AGBL4: variants seen among roughly 807,000 people sequenced by gnomAD.
AGBL4 encodes the protein cytosolic carboxypeptidase 6.
In AGBL4, 58 loss-of-function variants were observed where a neutral mutation model predicts 66.4. That is an observed-to-expected ratio of 0.87 (90% CI 0.71 to 1.09). The LOEUF (loss-of-function observed/expected upper bound fraction) is 1.09. Among genes scored for constraint, AGBL4 ranks in the 50% least tolerant of loss-of-function variants. AGBL4 has a pLI of 0.00. For synonymous variants in AGBL4, 234 were observed against 222.9 expected (o/e 1.05, Z -0.44); for missense variants, 579 against 631.0 (o/e 0.92, Z 0.88).
intron 3 of AGBL4, among the ~76,000 whole-genome samples, chr1:49,400,298 T>C (rs1645057510): frequency 6.6e-6 from 1 of 152,200 alleles, no homozygotes; most frequent in Non-Finnish European, 1.5e-5. Context: ...TGTAGCATAA[T>C]CTGAAGTCAG....
At chr1:48,631,829 A>G (rs1224309879) in intron 9 of AGBL4, among the ~76,000 whole-genome samples, 3 of 152,210 alleles carry the variant, frequency 2.0e-5, no homozygotes, top group Non-Finnish European at 4.4e-5. Flanking sequence ...AGTTAGTTCT[A>G]AACAGTTAGT....
chr1:49,057,093 C>T (rs1312455796), intron 4 of AGBL4, among the ~76,000 whole-genome samples: 4 of 152,152 alleles, frequency 2.6e-5, no homozygotes, highest in African/African-American at 9.7e-5. Context: ...GTTCCCTTCT[C>T]TGCATAGCCT....
intron 5 of AGBL4, among the ~76,000 whole-genome samples, chr1:48,900,952 A>G (rs2148868652): frequency 6.6e-6 from 1 of 152,312 alleles, no homozygotes; most frequent in African/African-American, 2.4e-5. Flanking sequence ...AGGAGAAAAT[A>G]TTTGCAAATA....
At chr1:49,384,475 C>T (rs1644693611) in intron 3 of AGBL4, among the ~76,000 whole-genome samples, 2 of 151,754 alleles carry the variant, frequency 1.3e-5, no homozygotes, top group South Asian at 2.1e-4. Flanking sequence ...CACCTGTAGG[C>T]CCAGCTACTT....
intron 6 of AGBL4, among the ~76,000 whole-genome samples, chr1:48,790,812 C>T (rs981196720): frequency 6.6e-6 from 1 of 152,070 alleles, no homozygotes; most frequent in Non-Finnish European, 1.5e-5. Flanking sequence ...TTGAGCTGGG[C>T]GCAGTGGCAC....
chr1:49,078,026 C>T (rs1473369053), intron 4 of AGBL4, among the ~76,000 whole-genome samples: 1 of 152,048 alleles, frequency 6.6e-6, no homozygotes, highest in Admixed American at 6.6e-5. Context: ...AAACAACTTC[C>T]CTAAGGTCCA....
chr1:49,450,609 A>G (rs1235635235), intron 3 of AGBL4, among the ~76,000 whole-genome samples: 1 of 152,148 alleles, frequency 6.6e-6, no homozygotes, highest in Non-Finnish European at 1.5e-5. Context: ...AATGAACAAC[A>G]TCTTCAAATT....
At chr1:49,061,919 T>A (rs2147912734) in intron 4 of AGBL4, among the ~76,000 whole-genome samples, 1 of 151,874 alleles carries the variant, frequency 6.6e-6, no homozygotes, top group East Asian at 1.9e-4. Context: ...AGAGCAGGGG[T>A]CCCCAACCCC....
Position 48,549,799 on chromosome 1 carries a change from G to T in AGBL4, c.1268-10061C>A, listed in dbSNP as rs377590112. Among the ~76,000 whole-genome samples, 4 of 151,976 alleles carry T rather than the reference G, an allele frequency of 2.6e-5. No individual in the cohort carries two copies. In the East Asian group the frequency reaches 7.8e-4, roughly 30 times the overall value. On this transcript the variant is annotated intron_variant, in intron 11 of 13. Transcript: ENST00000371839. Reference sequence around the variant, plus strand: ...GAGGTGTGAGAGAGATATAAATGTAGGCAACAGGAGAAGGGAGGGAGAGAG... The same window carrying T: ...GAGGTGTGAGAGAGATATAAATGTATGCAACAGGAGAAGGGAGGGAGAGAG...
chr1:49,749,345 G>C (rs1651263418), intron 2 of AGBL4, among the ~76,000 whole-genome samples: 1 of 152,106 alleles, frequency 6.6e-6, no homozygotes, highest in Non-Finnish European at 1.5e-5. Flanking sequence ...TGAGGCCTCT[G>C]TTCTGTCCCA....
chr1:48,945,620 C>T (rs879905375), intron 5 of AGBL4, among the ~76,000 whole-genome samples: 7 of 152,176 alleles, frequency 4.6e-5, no homozygotes, highest in Admixed American at 4.6e-4. Context: ...TTGCCCTGTT[C>T]TGGTACCTGG....
At chr1:48,872,476 A>G (rs942081798) in intron 5 of AGBL4, among the ~76,000 whole-genome samples, 1 of 152,154 alleles carries the variant, frequency 6.6e-6, no homozygotes, top group African/African-American at 2.4e-5. Flanking sequence ...CCAGTAGGAT[A>G]AACACTTGCT....
intron 4 of AGBL4, among the ~76,000 whole-genome samples, chr1:49,128,175 A>T (rs1161510489): frequency 6.6e-6 from 1 of 152,088 alleles, no homozygotes; most frequent in Non-Finnish European, 1.5e-5. Context: ...AACATCTGAG[A>T]GGAAAAATTC....
intron 1 of AGBL4, among the ~76,000 whole-genome samples, chr1:50,020,375 A>G (rs1662356111): frequency 1.3e-5 from 2 of 152,158 alleles, no homozygotes; most frequent in South Asian, 4.1e-4. Context: ...ATGATCTCTA[A>G]TATTCACAGC....
At chr1:49,325,383 T>A (rs1018515520) in intron 3 of AGBL4, among the ~76,000 whole-genome samples, 5 of 152,178 alleles carry the variant, frequency 3.3e-5, no homozygotes, top group Non-Finnish European at 7.3e-5. Flanking sequence ...TAAGGAAAAG[T>A]GTTAGCATCT....
chr1:48,725,652 G>C (rs943282605), intron 6 of AGBL4, among the ~76,000 whole-genome samples: 1 of 152,204 alleles, frequency 6.6e-6, no homozygotes, highest in Non-Finnish European at 1.5e-5. Context: ...TCACAGACCT[G>C]AGTTCTGATC....
At chr1:49,077,371 C>T (rs17105473) in intron 4 of AGBL4, among the ~76,000 whole-genome samples, 9,076 of 152,170 alleles carry the variant, frequency 0.06, 773 homozygotes, top group African/African-American at 0.2. Flanking sequence ...ATATTCCATA[C>T]AATGCGTTCT....
rs532983895 is a variant in AGBL4 at position 48,903,322 on chromosome 1, G to C, written c.595-36092C>G. The stretch of plus-strand genomic sequence containing the variant: ...AGATTAAGTGAGGTTCAAGTGCAGA[G>C]TCGGTGCCTGAGGGATATCTGTGGA... On this transcript the variant is annotated intron_variant, in intron 5 of 13. Transcript: ENST00000371839. 2.0e-4 allele frequency among the ~76,000 whole-genome samples: 31 copies of C among 152,338 alleles called. No homozygotes were observed. The South Asian group carries it at 3.3e-3, about 16-fold the overall frequency.
intron 9 of AGBL4, among the ~76,000 whole-genome samples, chr1:48,617,748 G>A (rs1009402551): frequency 1.3e-5 from 2 of 152,122 alleles, no homozygotes; most frequent in African/African-American, 4.8e-5. Flanking sequence ...CCCTTGGGCC[G>A]GCCATGACCA....
Sources: allele counts gnomAD v4.1 joint callset (sites outside exome capture counted in the v4.1 genomes callset), GRCh38; gene constraint gnomAD v4.1.1; transcripts MANE v1.5; gene names NCBI Gene and HGNC (gene_info 2026-07-23, HGNC 2026-07-21).